RMDN2: variants seen among roughly 807,000 people sequenced by gnomAD.
The protein encoded by RMDN2 is regulator of microtubule dynamics 2.
A neutral mutation model predicts 52.8 loss-of-function variants in RMDN2; 61 were observed. The observed-to-expected ratio is 1.16, with a 90% confidence interval of 0.94 to 1.43. RMDN2 has a LOEUF of 1.43. Among genes scored for constraint, RMDN2 ranks in the 40% most tolerant of loss-of-function variants. The pLI, the probability that RMDN2 is intolerant of heterozygous loss-of-function variation, is 0.00. For synonymous variants in RMDN2, 180 were observed against 153.1 expected (o/e 1.18, Z -1.30); for missense variants, 592 against 475.3 (o/e 1.25, Z -2.28).
chr2:37,957,541 T>C (rs1187484484), intron 2 of RMDN2, among the ~76,000 whole-genome samples: 1 of 152,236 alleles, frequency 6.6e-6, no homozygotes, highest in African/African-American at 2.4e-5. Flanking sequence ...ATTCTTGATA[T>C]TAGCCCTTTG....
chr2:37,990,518 CAAAAAAAAAAA>C lies in RMDN2; in HGVS notation c.868-687_868-677del, dbSNP rs397812186. On this transcript the variant is annotated intron_variant, in intron 6 of 10. Transcript: ENST00000354545. Reference sequence around the variant, plus strand: ...TGGGCAATAGAATGAGACTCCATCTCAAAAAAAAAAAAAAAAAAAAAAAAAGGCCTTTTGGT... The same window carrying C: ...TGGGCAATAGAATGAGACTCCATCTCAAAAAAAAAAAAAAGGCCTTTTGGT... 8.9e-3 allele frequency among the ~76,000 whole-genome samples: 336 copies of C among 37,620 alleles called. 8 individuals carry two copies. The East Asian group carries it at 0.13, about 15-fold the overall frequency. 24.7% of individuals were successfully genotyped at this position (37,620 alleles called of 152,430 possible).
At chr2:37,922,014 T>C (rs993745481), upstream of RMDN2, among the ~76,000 whole-genome samples, 2 of 152,232 alleles carry the variant, frequency 1.3e-5, no homozygotes, top group African/African-American at 4.8e-5. Flanking sequence ...GGGGGACTTC[T>C]TCCTCTGCCC....
intron 10 of RMDN2, chr2:38,039,342 G>C (rs892690484): frequency 4.6e-5 from 7 of 152,104 alleles, no homozygotes; most frequent in African/African-American, 1.7e-4. Context: ...CCATAGATCA[G>C]CCTCGGATGG....
intron 10 of RMDN2, among the ~76,000 whole-genome samples, chr2:38,028,372 C>G (rs1335587189): frequency 6.6e-6 from 1 of 152,168 alleles, no homozygotes. Flanking sequence ...AGAATACTTT[C>G]TTTTACATAC....
At chr2:37,930,958 G>C (rs547234314) in intron 2 of RMDN2, among the ~76,000 whole-genome samples, 2 of 152,296 alleles carry the variant, frequency 1.3e-5, no homozygotes, top group South Asian at 4.1e-4. Flanking sequence ...GGCGGCAGGA[G>C]CAGACTCCCT....
At chr2:37,944,516 A>C (rs1356061317) in intron 2 of RMDN2, among the ~76,000 whole-genome samples, 8 of 152,198 alleles carry the variant, frequency 5.3e-5, no homozygotes, top group Admixed American at 5.2e-4. Context: ...CAACCTCTGA[A>C]CTAGAAAAAT....
chr2:38,067,009 T>C (rs778154619), exon 11 of RMDN2: 2 of 1,613,582 alleles, frequency 1.2e-6, no homozygotes, highest in Admixed American at 1.7e-5. Flanking sequence ...ATAAAGAGCC[T>C]TTGGTACCGC....
chr2:37,985,658 T>A (rs1342761131), intron 5 of RMDN2, among the ~76,000 whole-genome samples: 1 of 152,090 alleles, frequency 6.6e-6, no homozygotes, highest in African/African-American at 2.4e-5. Context: ...ATATAGAAAG[T>A]ATGCTTGTAA....
At chr2:37,960,906 A>T (rs538795920) in intron 2 of RMDN2, among the ~76,000 whole-genome samples, 1 of 152,154 alleles carries the variant, frequency 6.6e-6, no homozygotes, top group Non-Finnish European at 1.5e-5. Flanking sequence ...ATCCCTCAGC[A>T]CTTGCTTGTC....
At chr2:38,003,585 T>TAGAC (rs1558537131) in intron 8 of RMDN2, among the ~76,000 whole-genome samples, 2 of 151,574 alleles carry the variant, frequency 1.3e-5, no homozygotes, top group Non-Finnish European at 2.9e-5. Context: ...GATAGATAGA[T>TAGAC]AGATAGATAG....
intron 2 of RMDN2, among the ~76,000 whole-genome samples, chr2:37,944,112 C>A (rs1668023420): frequency 6.6e-6 from 1 of 152,088 alleles, no homozygotes; most frequent in Admixed American, 6.5e-5. Flanking sequence ...CAAGTTTTGC[C>A]AAGCCGAAAA....
At chr2:37,927,132 C>T (rs575093779) in intron 1 of RMDN2, among the ~76,000 whole-genome samples, 2 of 152,160 alleles carry the variant, frequency 1.3e-5, no homozygotes. Flanking sequence ...TTTAAAACAT[C>T]AGCTCCGTTG....
chr2:37,981,779 CAA>C (rs1193797676), intron 5 of RMDN2, among the ~76,000 whole-genome samples: 3 of 151,866 alleles, frequency 2.0e-5, no homozygotes, highest in South Asian at 2.1e-4. Context: ...AAAGTTCAAA[CAA>C]AGAGAATTTA....
intron 2 of RMDN2, among the ~76,000 whole-genome samples, chr2:37,960,180 C>G (rs747909902): frequency 3.9e-5 from 6 of 152,122 alleles, no homozygotes; most frequent in Non-Finnish European, 7.3e-5. Context: ...GAGCTGAATT[C>G]AAGTCCTGAA....
intron 10 of RMDN2, among the ~76,000 whole-genome samples, chr2:38,025,689 A>G (rs1679731019): frequency 6.6e-6 from 1 of 151,842 alleles, no homozygotes. Context: ...TTAATACTGA[A>G]TTTTGTCACA....
chr2:37,959,382 AG>A (rs1669894914), intron 2 of RMDN2, among the ~76,000 whole-genome samples: 2 of 150,728 alleles, frequency 1.3e-5, no homozygotes, highest in South Asian at 2.1e-4. Context: ...TAGTCTTGGG[AG>A]GGTGTGTGTG....
chr2:38,039,677 T>C (rs1213180610), intron 10 of RMDN2, among the ~76,000 whole-genome samples: 1 of 152,186 alleles, frequency 6.6e-6, no homozygotes, highest in Non-Finnish European at 1.5e-5. Flanking sequence ...ACCCAGTGTC[T>C]GAGGCTGCAG....
intron 2 of RMDN2, among the ~76,000 whole-genome samples, chr2:37,932,141 T>C (rs536384162): frequency 1.2e-4 from 18 of 151,922 alleles, no homozygotes; most frequent in Middle Eastern, 3.4e-3. Context: ...AGGACAGTAG[T>C]GGAGGGAAGG....
At chr2:38,050,556 T>C (rs146070652) in intron 10 of RMDN2, among the ~76,000 whole-genome samples, 1 of 152,300 alleles carries the variant, frequency 6.6e-6, no homozygotes, top group East Asian at 1.9e-4. Flanking sequence ...ATAGTTTTAG[T>C]TGGTCAGAAA....
Sources: allele counts gnomAD v4.1 joint callset (sites outside exome capture counted in the v4.1 genomes callset), GRCh38; gene constraint gnomAD v4.1.1; transcripts MANE v1.5; gene names NCBI Gene and HGNC (gene_info 2026-07-23, HGNC 2026-07-21).